Variants in THSD7B observed in about 807,000 individuals in gnomAD.
THSD7B encodes thrombospondin type 1 domain containing 7B.
In THSD7B, 138 loss-of-function variants were observed where a neutral mutation model predicts 213.6. The observed-to-expected ratio is 0.65, with a 90% CI of 0.56 to 0.74. The LOEUF is 0.74. THSD7B is among the 30% of genes least tolerant of loss of function. The probability of loss-of-function intolerance (pLI) is 0.00; values close to 1 mark genes in which losing one functional copy is unlikely to be tolerated. For synonymous variants in THSD7B, 742 were observed against 687.0 expected (o/e 1.08, Z -1.25); for missense variants, 1,931 against 1,991.5 (o/e 0.97, Z 0.58).
chr2:136,830,680 T>A (rs1682739497), intron 1 of THSD7B, among the ~76,000 whole-genome samples: 1 of 152,218 alleles, frequency 6.6e-6, no homozygotes, highest in Admixed American at 6.5e-5. Flanking sequence ...ACATCTTGTC[T>A]CTTCTAAACA....
intron 25 of THSD7B, among the ~76,000 whole-genome samples, chr2:137,661,782 C>T (rs75285663): frequency 0.016 from 2,366 of 152,188 alleles, 59 homozygotes; most frequent in African/African-American, 0.053. Context: ...CCCTCTCCCC[C>T]GATTCTTCCC....
intron 2 of THSD7B, among the ~76,000 whole-genome samples, chr2:137,028,684 A>G (rs1686600118): frequency 6.6e-6 from 1 of 152,226 alleles, no homozygotes; most frequent in African/African-American, 2.4e-5. Flanking sequence ...AATAAGTGCC[A>G]TCGTAAGAAA....
intron 2 of THSD7B, among the ~76,000 whole-genome samples, chr2:137,044,134 A>G (rs1041738673): frequency 6.6e-6 from 1 of 152,260 alleles, no homozygotes; most frequent in African/African-American, 2.4e-5. Context: ...GGAGTGGTCC[A>G]CATTAACAGC....
rs937515191 is a variant in THSD7B, at chr2:137,025,267, G to A, written c.140-31153G>A. On this transcript the variant is annotated intron_variant, in intron 2 of 27. Coordinates refer to ENST00000409968, the MANE Select transcript of THSD7B (RefSeq NM_001316349.2). ...GGTCTATATCTTAAGAGTTTTGTGTGTGCCACGATTTTGGCCCCAAATGCT... is the reference window on the plus strand; with the variant it reads ...GGTCTATATCTTAAGAGTTTTGTGTATGCCACGATTTTGGCCCCAAATGCT... 1.1e-3 allele frequency among the ~76,000 whole-genome samples: 161 copies of A among 151,964 alleles called. 1 individual carries two copies. Among genetic ancestry groups the A allele is most frequent in the Non-Finnish European group, 1.6e-4 (11 of 68,006 alleles).
intron 2 of THSD7B, among the ~76,000 whole-genome samples, chr2:136,895,514 CTTTTTTTTTTT>C (rs71301798): frequency 1.1e-4 from 8 of 73,926 alleles, no homozygotes; most frequent in African/African-American, 2.5e-4. Context: ...CAAGTGGAGA[CTTTTTTTTTTT>C]TTTTTTTTTT....
At chr2:136,887,058 G>A (rs1683730973) in intron 2 of THSD7B, among the ~76,000 whole-genome samples, 1 of 152,076 alleles carries the variant, frequency 6.6e-6, no homozygotes. Flanking sequence ...GGACTGAAAC[G>A]ATGTTAAAGA....
intron 1 of THSD7B, among the ~76,000 whole-genome samples, chr2:136,769,786 G>C (rs752274497): frequency 6.6e-6 from 1 of 152,204 alleles, no homozygotes; most frequent in Non-Finnish European, 1.5e-5. Flanking sequence ...GAAAAGGTTA[G>C]ACATTGACCT....
At chr2:137,327,859 C>T (rs940067040) in intron 12 of THSD7B, among the ~76,000 whole-genome samples, 3 of 152,086 alleles carry the variant, frequency 2.0e-5, no homozygotes, top group African/African-American at 7.2e-5. Context: ...ACAGATGTGG[C>T]CTTTGGAGTT....
intron 10 of THSD7B, among the ~76,000 whole-genome samples, chr2:137,263,107 C>A (rs1315096068): frequency 1.3e-5 from 2 of 152,056 alleles, no homozygotes; most frequent in Non-Finnish European, 2.9e-5. Context: ...AGAACTATGG[C>A]CTGGGCTTCT....
At chr2:137,401,943 G>T (rs1440595315) in intron 12 of THSD7B, among the ~76,000 whole-genome samples, 1 of 152,158 alleles carries the variant, frequency 6.6e-6, no homozygotes, top group African/African-American at 2.4e-5. Context: ...ATCCGGCGAA[G>T]ATGCAAAAAT....
intron 7 of THSD7B, among the ~76,000 whole-genome samples, chr2:137,211,799 T>C (rs1322689184): frequency 6.6e-6 from 1 of 152,114 alleles, no homozygotes; most frequent in African/African-American, 2.4e-5. Flanking sequence ...CAAAGTGTCT[T>C]TCATGGCATT....
At chr2:136,882,466 A>AT in intron 2 of THSD7B, 149 bp downstream of exon 2, 1 of 900,578 alleles carries the variant, frequency 1.1e-6, no homozygotes. Flanking sequence ...CTCATATTTG[A>AT]TTTTTTACTC....
chr2:136,978,298 A>G (rs1417129899), intron 2 of THSD7B, among the ~76,000 whole-genome samples: 7 of 152,158 alleles, frequency 4.6e-5, no homozygotes. Flanking sequence ...GCAGATATCT[A>G]TCAGTTCCAT....
chr2:137,182,468 T>A (rs1342022015), intron 7 of THSD7B, among the ~76,000 whole-genome samples: 1 of 152,158 alleles, frequency 6.6e-6, no homozygotes, highest in East Asian at 1.9e-4. Context: ...CTGCCTATAG[T>A]GTATGAAGCT....
At chr2:137,173,981 C>T (rs1222686022) in intron 7 of THSD7B, among the ~76,000 whole-genome samples, 1 of 152,112 alleles carries the variant, frequency 6.6e-6, no homozygotes, top group Non-Finnish European at 1.5e-5. Flanking sequence ...ATATTTTCCT[C>T]CATCACTCTT....
Position 137,126,021 on chromosome 2 carries a change from A to C in THSD7B, c.1369+10728A>C, listed in dbSNP as rs1360159380. ...AAAATATTTAGGAAATCATGCTGTA[A>C]ATAGATATGTTGGGGTTTGTTATTC... On this transcript the variant is annotated intron_variant, in intron 5 of 27. Transcript: ENST00000409968. 1.4e-4 allele frequency among the ~76,000 whole-genome samples: 22 copies of C among 152,174 alleles called. 1 individual carries two copies. The highest frequency in any genetic ancestry group is 1.2e-3 in the Admixed American group (18 of 15,276).
intron 3 of THSD7B, among the ~76,000 whole-genome samples, chr2:137,092,636 ACTT>A (rs1299931281): frequency 1.3e-5 from 2 of 151,738 alleles, no homozygotes; most frequent in Non-Finnish European, 1.5e-5. Flanking sequence ...ACAATTTAAG[ACTT>A]CTTCTTTTTT....
At chr2:137,446,814 G>T (rs1364488414) in intron 14 of THSD7B, among the ~76,000 whole-genome samples, 1 of 152,042 alleles carries the variant, frequency 6.6e-6, no homozygotes, top group Non-Finnish European at 1.5e-5. Flanking sequence ...ATATTATGTA[G>T]ATGGGAACAG....
chr2:137,516,660 C>T (rs2105160187), intron 15 of THSD7B, among the ~76,000 whole-genome samples: 1 of 152,176 alleles, frequency 6.6e-6, no homozygotes, highest in South Asian at 2.1e-4. Flanking sequence ...TCCAGTGGGT[C>T]CACGGACTCA....
Sources: gnomAD v4.1 joint callset for allele counts (sites outside exome capture counted in the v4.1 genomes callset) on GRCh38, gnomAD v4.1.1 for gene constraint, MANE v1.5 for transcripts, NCBI Gene and HGNC (gene_info 2026-07-23, HGNC 2026-07-21) for gene names.